SLC10A4: variants seen among roughly 807,000 people sequenced by gnomAD.
SLC10A4 encodes putative sodium/bile acid cotransporter 4.
In SLC10A4, 17 loss-of-function variants were observed where a neutral mutation model predicts 22.5. That is an observed-to-expected ratio of 0.76 (90% CI 0.52 to 1.14). The LOEUF (loss-of-function observed/expected upper bound fraction) is 1.14. Among genes scored for constraint, SLC10A4 ranks in the 50% most tolerant of loss-of-function variants. SLC10A4 has a pLI of 0.00. For synonymous variants in SLC10A4, 257 were observed against 258.2 expected (o/e 1.00, Z 0.04); for missense variants, 548 against 584.0 (o/e 0.94, Z 0.64).
Position 48,483,467 on chromosome 4 carries a change from C to G in SLC10A4, c.-95C>G. ...CGGCGCGCAGCCGGGGCTCGGAGAC[C>G]GACGGGCAGAACGACGGGCGGCGAC... On this transcript the variant is annotated 5_prime_UTR_variant, in exon 1 of 3. Transcript: ENST00000273861. This position sits in a 1 kb window ranked among gnomAD's most constrained non-coding sequence, Gnocchi z 5.4. The G allele has an allele frequency of 9.3e-7, 1 of 1,071,570 alleles. No individual in the cohort carries two copies. The highest frequency in any genetic ancestry group is 1.9e-5 in the South Asian group (1 of 52,940). 66.4% of individuals were successfully genotyped at this position (1,071,570 alleles called of 1,614,324 possible).
chr4:48,483,864 GA>G lies in SLC10A4; in HGVS notation c.305del (p.Asn102ThrfsTer4), dbSNP rs1407833920. On this transcript the variant is annotated frameshift_variant, in exon 1 of 3. Transcript: ENST00000273861. LOFTEE classifies it high-confidence loss of function. This position sits in a 1 kb window ranked among gnomAD's most constrained non-coding sequence, Gnocchi z 5.4. ...CGCTCCCGTTCTGGGACACGCCGCT[GA>G]ACCACGGGCTGAACGTGTTCGTGGG... ...HALPFWDTPL[N>X]HGLNVFVGAA... 6.5e-7 allele frequency: 1 copy of G among 1,542,836 alleles called. No homozygotes were observed. Among genetic ancestry groups the G allele is most frequent in the East Asian group, 2.4e-5 (1 of 40,858 alleles).
At position 48,488,723 on chromosome 4, in the gene SLC10A4, G is replaced by C. The variant is rs1475522689; in HGVS notation, c.1098G>C (p.Leu366=). Reference sequence around the variant, plus strand: ...GAAGCATGTACATGTTTCCTTTGCTGTATGCACTTTTCCAGTCTGCAGAAG... The same window carrying C: ...GAAGCATGTACATGTTTCCTTTGCTCTATGCACTTTTCCAGTCTGCAGAAG... ...FIGSMYMFPL[L]YALFQSAEAG... The change falls in exon 3 of 3, where the codon CTG becomes CTC. Residue 366 remains leucine (L), a synonymous_variant. Transcript: ENST00000273861. 1 of 1,613,972 alleles carries C rather than the reference G, an allele frequency of 6.2e-7. No homozygotes were observed. The highest frequency in any genetic ancestry group is 8.5e-7 in the Non-Finnish European group (1 of 1,180,030).
At chr4:48,484,287 T>C (rs964831123) in intron 1 of SLC10A4, 136 bp downstream of exon 1, 45 of 904,606 alleles carry the variant, frequency 5.0e-5, no homozygotes, top group Non-Finnish European at 7.1e-5. Flanking sequence ...GGAGAGGAAG[T>C]TGATGACGCC....
chr4:48,485,717 CTGGATAAATAA>C (rs751779372), intron 2 of SLC10A4, among the ~76,000 whole-genome samples: 1 of 152,156 alleles, frequency 6.6e-6, no homozygotes, highest in Non-Finnish European at 1.5e-5. Flanking sequence ...AAATTGGGTC[CTGGATAAATAA>C]TGGAGGTTAT....
chr4:48,488,958 GC>G lies in SLC10A4; in HGVS notation c.*20del. 1 of 1,552,984 alleles carries G rather than the reference GC, an allele frequency of 6.4e-7. No homozygotes were observed. The highest frequency in any genetic ancestry group is 2.4e-4 in the Middle Eastern group (1 of 4,250). On this transcript the variant is annotated 3_prime_UTR_variant, in exon 3 of 3. Transcript: ENST00000273861. The stretch of plus-strand genomic sequence containing the variant: ...TCTCTAAATGTGGAGATACACAGGA[GC>G]TTCTATCTTGCTGAAATATTGCTTC...
Position 48,488,993 on chromosome 4 carries a change from A to C in SLC10A4, c.*54A>C. On this transcript the variant is annotated 3_prime_UTR_variant, in exon 3 of 3. Coordinates refer to ENST00000273861, the MANE Select transcript of SLC10A4 (RefSeq NM_152679.4). ...TGCTGAAATATTGCTTCATATTTAT[A>C]GCCTGTGGTAGTGCACATGGTTAAC... 4 of 1,516,814 alleles carry C rather than the reference A, an allele frequency of 2.6e-6. No homozygotes were observed. Among genetic ancestry groups the C allele is most frequent in the Non-Finnish European group, 3.5e-6 (4 of 1,134,576 alleles). The allele number at this position is 1,516,814 out of a possible 1,614,324, so 94.0% of individuals were successfully genotyped here.
Position 48,488,935 on chromosome 4 carries a change from T to G in SLC10A4, c.1310T>G (p.Leu437Arg), listed in dbSNP as rs1324721569. 1.3e-6 allele frequency: 2 copies of G among 1,584,342 alleles called. No homozygotes were observed. The highest frequency in any genetic ancestry group is 4.5e-5 in the East Asian group (2 of 44,704). Residue 437 changes from leucine to arginine, a missense_variant, in exon 3 of 3, where the codon CTC becomes CGC. Transcript: ENST00000273861. ...IIMMETAQTS[L>R] ...ATGATGGAAACCGCTCAGACTTCTC[T>G]CTAAATGTGGAGATACACAGGAGCT...
intron 1 of SLC10A4, among the ~76,000 whole-genome samples, chr4:48,484,472 C>T (rs1056934454): frequency 6.6e-6 from 1 of 152,162 alleles, no homozygotes; most frequent in African/African-American, 2.4e-5. Context: ...CAGTGGAAGA[C>T]AAAGAGAAGG....
rs1560481273 is a variant in SLC10A4 at position 48,488,898 on chromosome 4, G to GA, written c.1277dup (p.Asn426LysfsTer35). 2 of 1,608,964 alleles carry GA rather than the reference G, an allele frequency of 1.2e-6. No homozygotes were observed. The highest frequency in any genetic ancestry group is 8.5e-7 in the Non-Finnish European group (1 of 1,178,892). On this transcript the variant is annotated frameshift_variant, in exon 3 of 3. Coordinates refer to ENST00000273861, the MANE Select transcript of SLC10A4 (RefSeq NM_152679.4). LOFTEE classifies it high-confidence loss of function. ...CACTTCCTATGGCACAGTGAAAGCA[G>GA]AAAATATAATAATGATGGAAACCGC...
chr4:48,485,582 A>C (rs1718270189), intron 2 of SLC10A4, among the ~76,000 whole-genome samples: 1 of 152,264 alleles, frequency 6.6e-6, no homozygotes, highest in African/African-American at 2.4e-5. Context: ...GAAACTCTGT[A>C]GTAGGTTCCT....
rs1718234101 is a variant in SLC10A4 at position 48,484,102 on chromosome 4, A to C, written c.541A>C (p.Asn181His). Residue 181 changes from asparagine (N) to histidine (H), a missense_variant, in exon 1 of 3, where the codon AAT becomes CAT. Transcript: ENST00000273861. ...VLLCGCCPGG[N>H]LSNLMSLLVD... is the part of the protein sequence containing the mutation. Reference sequence around the variant, plus strand: ...CCTGTGTGGCTGCTGTCCCGGCGGCAATCTCTCCAATCTTATGTCCCTGCT... The same window carrying C: ...CCTGTGTGGCTGCTGTCCCGGCGGCCATCTCTCCAATCTTATGTCCCTGCT... 2 of 1,600,872 alleles carry C rather than the reference A, an allele frequency of 1.2e-6. No individual in the cohort carries two copies. The highest frequency in any genetic ancestry group is 1.1e-5 in the South Asian group (1 of 90,346).
chr4:48,488,611 A>G lies in SLC10A4; in HGVS notation c.986A>G (p.Lys329Arg). The change falls in exon 3 of 3, where the codon AAG becomes AGG. Residue 329 changes from lysine (K) to arginine (R), a missense_variant. By Grantham distance (26) the Lys-to-Arg change is conservative. Transcript: ENST00000273861. ...CTCTTCCATCTTCCACCCAACTGCA[A>G]GAGGACTGTATGTCTGGAAACAGGT... ...ATLFHLPPNC[K>R]RTVCLETGSQ... 6.2e-7 allele frequency: 1 copy of G among 1,614,076 alleles called. No homozygotes were observed. The highest frequency in any genetic ancestry group is 8.5e-7 in the Non-Finnish European group (1 of 1,180,012).
Position 48,483,366 on chromosome 4 carries a change from A to C in SLC10A4, c.-196A>C. 1 of 297,420 alleles carries C rather than the reference A, an allele frequency of 3.4e-6. No homozygotes were observed. The highest frequency in any genetic ancestry group is 6.1e-6 in the Non-Finnish European group (1 of 164,184). The allele number at this position is 297,420 out of a possible 1,614,324, so 18.4% of individuals were successfully genotyped here. A position where few individuals can be genotyped will look rare whatever the true frequency, so the allele number is the denominator to read the frequency against. The stretch of plus-strand genomic sequence containing the variant: ...TCACCCGGGGGGCCGCGCTGCGCGG[A>C]GTGCCAGGCTGCGGGCGGCTGCAGA... On this transcript the variant is annotated 5_prime_UTR_variant, in exon 1 of 3. Transcript: ENST00000273861. This position sits in a 1 kb window ranked among gnomAD's most constrained non-coding sequence, Gnocchi z 5.4.
At chr4:48,484,402 C>T (rs942041506) in intron 1 of SLC10A4, among the ~76,000 whole-genome samples, 20 of 152,256 alleles carry the variant, frequency 1.3e-4, no homozygotes, top group African/African-American at 4.6e-4. Flanking sequence ...CAGCGCGGCC[C>T]TTCAGCAGGG....
chr4:48,484,828 C>A (rs1718251556), intron 1 of SLC10A4, 104 bp from the exon 2 acceptor site: 3 of 1,073,834 alleles, frequency 2.8e-6, no homozygotes, highest in Non-Finnish European at 4.2e-6. Context: ...AACCCCGGGA[C>A]TTGCAGTCTC....
At chr4:48,484,868 A>C in intron 1 of SLC10A4, 64 bp from the exon 2 acceptor site, 1 of 1,503,950 alleles carries the variant, frequency 6.6e-7, no homozygotes, top group South Asian at 1.2e-5. Context: ...ACATACAAGA[A>C]AAAGGTTAGC....
chr4:48,488,865 A>G lies in SLC10A4; in HGVS notation c.1240A>G (p.Met414Val). Residue 414 changes from methionine (M) to valine (V), a missense_variant, in exon 3 of 3, where the codon ATG becomes GTG. Physicochemically the swap from Met to Val is conservative, Grantham distance 21. This residue lies in a region of SLC10A4 where 314 missense variants were observed against 353.2 expected (regional missense o/e 0.89). Transcript: ENST00000273861. ...TTATAAAAAACTAAAAGAAGAGGAA[A>G]TGGCAGACACTTCCTATGGCACAGT... ...ISYKKLKEEE[M>V]ADTSYGTVKA... 1 of 1,613,612 alleles carries G rather than the reference A, an allele frequency of 6.2e-7. No homozygotes were observed. The highest frequency in any genetic ancestry group is 8.5e-7 in the Non-Finnish European group (1 of 1,179,900).
At chr4:48,488,378 C>G (rs1297385458) in intron 2 of SLC10A4, 49 bp from the exon 3 acceptor site, 12 of 1,500,840 alleles carry the variant, frequency 8.0e-6, no homozygotes, top group Non-Finnish European at 1.1e-5. Flanking sequence ...TTAGGATTCT[C>G]TCGCCTGAGT....
intron 1 of SLC10A4, 151 bp downstream of exon 1, chr4:48,484,302 CT>C: frequency 1.2e-6 from 1 of 808,156 alleles, no homozygotes; most frequent in African/African-American, 1.7e-5. Context: ...GACGCCCCGG[CT>C]TTAGAAGTCA....
Sources: allele counts gnomAD v4.1 joint callset (sites outside exome capture counted in the v4.1 genomes callset), GRCh38; gene constraint gnomAD v4.1.1; regional missense constraint gnomAD v4.1.1; non-coding constraint Gnocchi (gnomAD v3.1); transcripts MANE v1.5; gene names NCBI Gene and HGNC (gene_info 2026-07-23, HGNC 2026-07-21).